The following MAN1A2 variants were observed in gnomAD, a reference collection of about 807,000 sequenced individuals.
The protein encoded by MAN1A2 is mannosidase alpha class 1A member 2.
In MAN1A2, 26 loss-of-function variants were observed where a neutral mutation model predicts 75.7. The observed-to-expected ratio is 0.34, with a 90% confidence interval of 0.25 to 0.48. The LOEUF (loss-of-function observed/expected upper bound fraction) is 0.48, where lower values mean the gene tolerates loss of function less well. MAN1A2 is among the 20% of genes least tolerant of loss of function. The pLI is 0.99. For synonymous variants in MAN1A2, 247 were observed against 264.6 expected, an observed-to-expected ratio of 0.93 and a Z score of 0.65; for missense variants, 562 against 775.5, an observed-to-expected ratio of 0.72 and a Z score of 3.27.
chr1:117,508,726 A>C (rs1651443675), intron 12 of MAN1A2, among the ~76,000 whole-genome samples: 1 of 151,662 alleles, frequency 6.6e-6, no homozygotes, highest in Non-Finnish European at 1.5e-5. Context: ...ATTTTTATAG[A>C]CTTTTCACAG....
chr1:117,452,631 A>G (rs961647849), intron 6 of MAN1A2, among the ~76,000 whole-genome samples: 1 of 152,198 alleles, frequency 6.6e-6, no homozygotes, highest in African/African-American at 2.4e-5. Context: ...TGTGAATGCT[A>G]AGAGAGGTGA....
intron 12 of MAN1A2, among the ~76,000 whole-genome samples, chr1:117,510,457 CAG>C (rs1418910324): frequency 2.0e-5 from 3 of 151,978 alleles, no homozygotes; most frequent in African/African-American, 7.2e-5. Context: ...TCTTAGACAA[CAG>C]AGTAAATCAC....
At chr1:117,451,049 C>A (rs1649397642) in intron 6 of MAN1A2, among the ~76,000 whole-genome samples, 1 of 152,188 alleles carries the variant, frequency 6.6e-6, no homozygotes, top group South Asian at 2.1e-4. Flanking sequence ...GCATCATGCA[C>A]CTGGAAAAGC....
Position 117,426,122 on chromosome 1 carries a change from C to G in MAN1A2, c.855+5473C>G, listed in dbSNP as rs1215803455. Among the ~76,000 whole-genome samples the G allele has an allele frequency of 1.1e-4, 17 of 151,970 alleles. 1 individual carries two copies. The highest frequency in any genetic ancestry group is 1.1e-3 in the Admixed American group (17 of 15,260). On this transcript the variant is annotated intron_variant, in intron 5 of 12. Coordinates refer to ENST00000356554, the MANE Select transcript of MAN1A2 (RefSeq NM_006699.5). ...ATAGGTTTACAGTTTTTCCTGTCAA[C>G]ACTTTAGAAATGTCACTGCATTATC...
intron 11 of MAN1A2, among the ~76,000 whole-genome samples, chr1:117,501,277 T>TA (rs1651192997): frequency 6.6e-6 from 1 of 151,766 alleles, no homozygotes; most frequent in African/African-American, 2.4e-5. Flanking sequence ...CTAGAGTAGT[T>TA]ATACTCTAAA....
chr1:117,444,100 G>A (rs1649131337), intron 6 of MAN1A2, among the ~76,000 whole-genome samples: 1 of 151,922 alleles, frequency 6.6e-6, no homozygotes, highest in Non-Finnish European at 1.5e-5. Flanking sequence ...TCACTTTAAT[G>A]GCTTGCTTTT....
At chr1:117,475,880 A>G (rs1189933094) in intron 8 of MAN1A2, among the ~76,000 whole-genome samples, 1 of 152,192 alleles carries the variant, frequency 6.6e-6, no homozygotes, top group Non-Finnish European at 1.5e-5. Flanking sequence ...GTGTATACCC[A>G]GTAATGGGAT....
At chr1:117,433,017 A>G (rs940320046) in intron 5 of MAN1A2, among the ~76,000 whole-genome samples, 19 of 150,992 alleles carry the variant, frequency 1.3e-4, no homozygotes, top group Non-Finnish European at 2.2e-4. Context: ...TAAAGATTTG[A>G]AAAAGCAGTT....
intron 5 of MAN1A2, among the ~76,000 whole-genome samples, chr1:117,433,567 T>C (rs1648747658): frequency 6.6e-6 from 1 of 152,236 alleles, no homozygotes; most frequent in Non-Finnish European, 1.5e-5. Flanking sequence ...GAAAAATACC[T>C]TGTTCATATT....
At chr1:117,493,578 C>G (rs1469573025) in intron 9 of MAN1A2, 1 of 173,938 alleles carries the variant, frequency 5.7e-6, no homozygotes, top group Non-Finnish European at 1.2e-5. Context: ...GTCAGGAGTT[C>G]AAGACCAGCC....
chr1:117,491,644 G>T lies in MAN1A2; in HGVS notation c.1169-1503G>T, dbSNP rs527895773. Among the ~76,000 whole-genome samples the T allele has an allele frequency of 3.3e-5, 5 of 152,174 alleles. No homozygotes were observed. In the South Asian group the frequency reaches 1.0e-3, roughly 32 times the overall value. On this transcript the variant is annotated intron_variant, in intron 8 of 12. Transcript: ENST00000356554. ...AAGTCTTATTTAAGGATTGCATTTT[G>T]TAAGGCTATAGCTGCCATATATAGT...
At chr1:117,458,489 A>ATATC (rs1649675276) in intron 6 of MAN1A2, among the ~76,000 whole-genome samples, 2 of 69,334 alleles carry the variant, frequency 2.9e-5, no homozygotes, top group South Asian at 1.0e-3. Context: ...TGAGAAATAT[A>ATATC]TATATATCTA....
Position 117,525,173 on chromosome 1 carries a change from G to T in MAN1A2, c.*2216G>T, listed in dbSNP as rs760760864. 2 of 519,514 alleles carry T rather than the reference G, an allele frequency of 3.8e-6. No individual in the cohort carries two copies. Among genetic ancestry groups the T allele is most frequent in the Admixed American group, 2.0e-5 (1 of 49,708 alleles). The allele number at this position is 519,514 out of a possible 1,614,324, so 32.2% of individuals were successfully genotyped here. On this transcript the variant is annotated 3_prime_UTR_variant, in exon 13 of 13. Transcript: ENST00000356554. Reference sequence around the variant, plus strand: ...CCAGATGACTGAAGCTTAAGAGAAGGCAGGGAAGTATACAAGCAGAGCCAG... The same window carrying T: ...CCAGATGACTGAAGCTTAAGAGAAGTCAGGGAAGTATACAAGCAGAGCCAG...
intron 9 of MAN1A2, among the ~76,000 whole-genome samples, chr1:117,496,457 C>G (rs1268588322): frequency 6.6e-6 from 1 of 151,910 alleles, no homozygotes; most frequent in Admixed American, 6.6e-5. Flanking sequence ...GACAAAGCAT[C>G]CAAAACAAAT....
intron 9 of MAN1A2, chr1:117,494,568 A>G (rs898301266): frequency 6.6e-6 from 1 of 152,078 alleles, no homozygotes; most frequent in Non-Finnish European, 1.5e-5. Context: ...TAAAAAATGC[A>G]CAGGAGTTGA....
At chr1:117,387,932 T>G (rs1041209887) in intron 1 of MAN1A2, among the ~76,000 whole-genome samples, 8 of 151,842 alleles carry the variant, frequency 5.3e-5, no homozygotes, top group Non-Finnish European at 1.0e-4. Flanking sequence ...CACTACTTAA[T>G]CTAATCCTGA....
chr1:117,467,053 T>A (rs1650003539), intron 8 of MAN1A2, among the ~76,000 whole-genome samples: 1 of 152,150 alleles, frequency 6.6e-6, no homozygotes, highest in Non-Finnish European at 1.5e-5. Flanking sequence ...AGTATTTTGT[T>A]TAGGGAGAGG....
At chr1:117,418,580 A>T (rs879605575) in intron 4 of MAN1A2, among the ~76,000 whole-genome samples, 1 of 151,956 alleles carries the variant, frequency 6.6e-6, no homozygotes, top group Non-Finnish European at 1.5e-5. Context: ...CCTTGTTTTA[A>T]TATTTTATTT....
At chr1:117,463,513 A>C (rs945831488) in intron 7 of MAN1A2, among the ~76,000 whole-genome samples, 1 of 69,424 alleles carries the variant, frequency 1.4e-5, no homozygotes, top group Non-Finnish European at 3.3e-5. Context: ...GGAGAAACAC[A>C]CACATACACA....
Sources: allele counts gnomAD v4.1 joint callset (sites outside exome capture counted in the v4.1 genomes callset), GRCh38; gene constraint gnomAD v4.1.1; transcripts MANE v1.5; gene names NCBI Gene and HGNC (gene_info 2026-07-23, HGNC 2026-07-21).